ITGB5: variants seen among roughly 807,000 people sequenced by gnomAD.
The protein encoded by ITGB5 is integrin subunit beta 5.
A neutral mutation model predicts 84.8 loss-of-function variants in ITGB5; 38 were observed. That is an observed-to-expected ratio of 0.45 (90% CI 0.35 to 0.59). The LOEUF (loss-of-function observed/expected upper bound fraction) is 0.59. Ranked by LOEUF, ITGB5 falls within the 20% of genes least tolerant of loss-of-function variation. ITGB5 has a pLI of 0.01. For missense variants in ITGB5, 905 were observed against 1,034.5 expected (o/e 0.87, Z 1.72); for synonymous variants, 393 against 414.4 (o/e 0.95, Z 0.63).
chr3:124,768,591 AAT>A (rs1170612823), intron 12 of ITGB5, among the ~76,000 whole-genome samples: 1 of 152,232 alleles, frequency 6.6e-6, no homozygotes, highest in Non-Finnish European at 1.5e-5. Context: ...TTAGTGGCTC[AAT>A]AGTGTCCACT....
chr3:124,879,686 A>G (rs1162422941), intron 1 of ITGB5, among the ~76,000 whole-genome samples: 2 of 152,230 alleles, frequency 1.3e-5, no homozygotes, highest in Admixed American at 6.5e-5. Context: ...AAGAATGAGC[A>G]TGCTCTCTGT....
chr3:124,821,168 A>T (rs867391981), intron 6 of ITGB5, 145 bp downstream of exon 6: 4 of 860,066 alleles, frequency 4.7e-6, no homozygotes, highest in Middle Eastern at 3.5e-4. Flanking sequence ...AAGACTGAAT[A>T]ATGAAACCCA....
chr3:124,875,779 T>G (rs1934282344), intron 1 of ITGB5, among the ~76,000 whole-genome samples: 1 of 152,206 alleles, frequency 6.6e-6, no homozygotes, highest in Admixed American at 6.5e-5. Flanking sequence ...AATGTGGTAT[T>G]TTTAAAAAGT....
chr3:124,868,795 T>C (rs2065432775), intron 2 of ITGB5, among the ~76,000 whole-genome samples: 1 of 151,706 alleles, frequency 6.6e-6, no homozygotes, highest in Non-Finnish European at 1.5e-5. Context: ...AGTAAGACCC[T>C]GTCTCCGAAA....
At chr3:124,835,935 C>T (rs2064929084) in intron 5 of ITGB5, among the ~76,000 whole-genome samples, 1 of 152,040 alleles carries the variant, frequency 6.6e-6, no homozygotes, top group Admixed American at 6.6e-5. Flanking sequence ...TAAGCCTGAG[C>T]CAGAAGAGAC....
In ITGB5 at chr3:124,766,229, G is replaced by A. The variant is rs916508575; in HGVS notation, c.2134C>T (p.Pro712Ser). ...GKSNLTVLRE[P>S]ECGNTPNAMT... ...AGCCCTTGCAGCCCTCACCTACCTG[G>A]CTCCCTGAGGACGGTCAGGTTGGAC... The change falls in exon 13 of 15, where the codon CCA becomes TCA. Residue 712 changes from proline to serine, a missense_variant. Pro to Ser is a moderately conservative substitution (Grantham distance 74). Transcript: ENST00000296181. The A allele has an allele frequency of 1.5e-5, 25 of 1,613,442 alleles. No homozygotes were observed. Among genetic ancestry groups the A allele is most frequent in the Non-Finnish European group, 2.1e-5 (25 of 1,179,772 alleles).
At chr3:124,821,909 A>C (rs2064710604) in intron 5 of ITGB5, among the ~76,000 whole-genome samples, 1 of 151,086 alleles carries the variant, frequency 6.6e-6, no homozygotes, top group African/African-American at 2.4e-5. Context: ...GTCTAAGATG[A>C]TGGTTAAGAT....
At chr3:124,829,837 G>T (rs16836080) in intron 5 of ITGB5, among the ~76,000 whole-genome samples, 1 of 151,856 alleles carries the variant, frequency 6.6e-6, no homozygotes, top group Non-Finnish European at 1.5e-5. Flanking sequence ...ACCCTGCGAC[G>T]CCACCAAACT....
At chr3:124,783,343 C>T (rs1343698667) in intron 10 of ITGB5, among the ~76,000 whole-genome samples, 1 of 148,914 alleles carries the variant, frequency 6.7e-6, no homozygotes, top group Non-Finnish European at 1.5e-5. Context: ...CAGACCTGAG[C>T]ATGTTCAAAA....
chr3:124,892,610 G>A (rs189978629), upstream of ITGB5, among the ~76,000 whole-genome samples: 56 of 148,078 alleles, frequency 3.8e-4, no homozygotes, highest in Non-Finnish European at 6.1e-4. Flanking sequence ...TGGGAGGATC[G>A]CTTGAGCACA....
At chr3:124,897,094 T>A (rs1935118407) in intron 1 of ITGB5, among the ~76,000 whole-genome samples, 1 of 152,178 alleles carries the variant, frequency 6.6e-6, no homozygotes, top group Non-Finnish European at 1.5e-5. Flanking sequence ...TTGCAGATTG[T>A]GTTTCTTCCT....
intron 9 of ITGB5, among the ~76,000 whole-genome samples, chr3:124,808,442 T>C (rs145427905): frequency 6.6e-6 from 1 of 152,312 alleles, no homozygotes; most frequent in East Asian, 1.9e-4. Context: ...TGCCCACATA[T>C]CCTCCTCCCT....
At chr3:124,782,220 G>T (rs2064015341) in intron 10 of ITGB5, among the ~76,000 whole-genome samples, 2 of 152,170 alleles carry the variant, frequency 1.3e-5, no homozygotes, top group African/African-American at 4.8e-5. Flanking sequence ...AATTTTTACA[G>T]ATATAGAAAT....
At chr3:124,784,586 T>C (rs927744918) in intron 10 of ITGB5, among the ~76,000 whole-genome samples, 1 of 152,186 alleles carries the variant, frequency 6.6e-6, no homozygotes, top group Non-Finnish European at 1.5e-5. Flanking sequence ...GATGGACAAA[T>C]CCTGTGTTCT....
At chr3:124,814,065 A>C (rs78025535) in intron 8 of ITGB5, among the ~76,000 whole-genome samples, 1,995 of 152,166 alleles carry the variant, frequency 0.013, 34 homozygotes, top group South Asian at 0.045. Context: ...ATAATAACAA[A>C]AGATTCTCCT....
intron 9 of ITGB5, among the ~76,000 whole-genome samples, chr3:124,803,610 T>C (rs1209329578): frequency 6.6e-6 from 1 of 152,238 alleles, no homozygotes; most frequent in African/African-American, 2.4e-5. Context: ...TCACTGTCTC[T>C]TAGCTGGGTG....
chr3:124,838,560 A>C (rs571075906), intron 5 of ITGB5, among the ~76,000 whole-genome samples: 16 of 152,300 alleles, frequency 1.1e-4, no homozygotes, highest in African/African-American at 3.8e-4. Context: ...AGTTACTATT[A>C]AAGCCATCTG....
At chr3:124,873,352 T>C (rs372958460) in intron 2 of ITGB5, 94 bp downstream of exon 2, 1 of 855,930 alleles carries the variant, frequency 1.2e-6, no homozygotes, top group East Asian at 2.4e-5. Context: ...GATTTTTATG[T>C]ATAGTGAATT....
intron 10 of ITGB5, among the ~76,000 whole-genome samples, chr3:124,794,865 G>A (rs1329315989): frequency 6.6e-6 from 1 of 151,866 alleles, no homozygotes; most frequent in East Asian, 1.9e-4. Context: ...AGAAGAAGAA[G>A]AAGAAAATAA....
Sources: allele counts gnomAD v4.1 joint callset (sites outside exome capture counted in the v4.1 genomes callset), GRCh38; gene constraint gnomAD v4.1.1; transcripts MANE v1.5; gene names NCBI Gene and HGNC (gene_info 2026-07-23, HGNC 2026-07-21).